The following TIMD4 variants were observed in gnomAD, a reference collection of about 807,000 sequenced individuals.
The protein encoded by TIMD4 is T-cell immunoglobulin and mucin domain-containing protein 4.
A neutral mutation model predicts 41.2 loss-of-function variants in TIMD4; 31 were observed. The ratio of observed to expected loss-of-function variants is 0.75; its 90% confidence interval spans 0.57 to 1.01. The LOEUF (loss-of-function observed/expected upper bound fraction) is 1.01. Ranked by LOEUF, TIMD4 falls within the 50% of genes least tolerant of loss-of-function variation. TIMD4 has a pLI of 0.00. For missense variants in TIMD4, 479 were observed against 472.5 expected, an observed-to-expected ratio of 1.01 and a Z score of -0.13; for synonymous variants, 204 against 177.1, an observed-to-expected ratio of 1.15 and a Z score of -1.21.
chr5:156,928,036 T>G (rs1759379758), intron 5 of TIMD4, among the ~76,000 whole-genome samples: 1 of 152,124 alleles, frequency 6.6e-6, no homozygotes, highest in Non-Finnish European at 1.5e-5. Flanking sequence ...CCGGGCACAG[T>G]GGCTCATGCC....
chr5:156,933,153 T>A (rs1450402689), intron 5 of TIMD4, among the ~76,000 whole-genome samples: 1 of 152,204 alleles, frequency 6.6e-6, no homozygotes, highest in Non-Finnish European at 1.5e-5. Flanking sequence ...TTTAAAAGAA[T>A]ATAGAATGAT....
At chr5:156,960,107 CA>C in intron 1 of TIMD4, among the ~76,000 whole-genome samples, 1 of 145,640 alleles carries the variant, frequency 6.9e-6, no homozygotes, top group South Asian at 2.3e-4. Context: ...AAAAAAAAAA[CA>C]AAATAAAACA....
intron 1 of TIMD4, among the ~76,000 whole-genome samples, chr5:156,960,968 C>T (rs2113401930): frequency 6.6e-6 from 1 of 152,306 alleles, no homozygotes; most frequent in Non-Finnish European, 1.5e-5. Context: ...AAGTAGGGAC[C>T]TGAGGATGCA....
chr5:156,928,762 T>C (rs939078952), intron 5 of TIMD4, among the ~76,000 whole-genome samples: 1 of 152,216 alleles, frequency 6.6e-6, no homozygotes, highest in Non-Finnish European at 1.5e-5. Context: ...TGTTTTCATA[T>C]CCTAGAACTA....
intron 7 of TIMD4, 99 bp downstream of exon 7, chr5:156,922,000 T>C: frequency 2.3e-6 from 2 of 882,234 alleles, no homozygotes; most frequent in Non-Finnish European, 3.5e-6. Flanking sequence ...CTGAGCCTCT[T>C]TGGGGAGGGA....
chr5:156,961,823 AAAAAAAAAAAAAAGAAAG>A (rs1753061149), intron 1 of TIMD4, among the ~76,000 whole-genome samples: 1 of 144,654 alleles, frequency 6.9e-6, no homozygotes, highest in Non-Finnish European at 1.5e-5. Flanking sequence ...AAAAAAAAAA[AAAAAAAAAAAAAAGAAAG>A]AAAAAAAAAA....
rs1301895310 is a variant in TIMD4, at chr5:156,954,689, G to A, written c.126C>T (p.Tyr42=). The A allele has an allele frequency of 1.2e-6, 2 of 1,614,052 alleles. No homozygotes were observed. The highest frequency in any genetic ancestry group is 1.7e-5 in the Admixed American group (1 of 59,992). Residue 42 remains tyrosine (Y), a synonymous_variant, in exon 2 of 9, where the codon TAC becomes TAT. Coordinates refer to ENST00000274532, the MANE Select transcript of TIMD4 (RefSeq NM_138379.3). Reference sequence around the variant, plus strand: ...TGTTGCTGTTGTGAGACCAGGATGAGTACAGACAGGGCAAAGTCACCCGGT... The same window carrying A: ...TGTTGCTGTTGTGAGACCAGGATGAATACAGACAGGGCAAAGTCACCCGGT... The part of the protein sequence containing the change: ...LGHRVTLPCL[Y]SSWSHNSNSM...
At chr5:156,960,416 T>C (rs1760057815) in intron 1 of TIMD4, among the ~76,000 whole-genome samples, 1 of 150,004 alleles carries the variant, frequency 6.7e-6, no homozygotes, top group African/African-American at 2.4e-5. Flanking sequence ...TTTTTTTTTT[T>C]TTTTTTTTCA....
chr5:156,961,808 CAAAAAAAAAA>C (rs71578911), intron 1 of TIMD4, among the ~76,000 whole-genome samples: 7 of 27,962 alleles, frequency 2.5e-4, no homozygotes, highest in South Asian at 3.3e-3. Context: ...GACTCCGTCT[CAAAAAAAAAA>C]AAAAAAAAAA....
At chr5:156,933,582 G>GT (rs1554082810) in intron 5 of TIMD4, among the ~76,000 whole-genome samples, 1 of 135,876 alleles carries the variant, frequency 7.4e-6, no homozygotes, top group African/African-American at 2.6e-5. Flanking sequence ...GTTTTGTTTT[G>GT]TTTGAGACAG....
At chr5:156,951,901 G>T in intron 2 of TIMD4, 111 bp from the exon 3 acceptor site, 1 of 1,431,790 alleles carries the variant, frequency 7.0e-7, no homozygotes. Context: ...TGGTCCACTG[G>T]CCTGGACGAT....
Position 156,948,561 on chromosome 5 carries a change from G to T in TIMD4, c.761-62C>A, listed in dbSNP as rs933461982. On this transcript the variant is annotated intron_variant, in intron 4 of 8. Transcript: ENST00000274532. ...GGTAAATGCTTGTCTTCCTGCTTTTGGTACTCAACTGTCCCTATACTGACT... is the reference window on the plus strand; with the variant it reads ...GGTAAATGCTTGTCTTCCTGCTTTTTGTACTCAACTGTCCCTATACTGACT... The T allele has an allele frequency of 1.4e-5, 16 of 1,177,440 alleles. No individual in the cohort carries two copies. In the African/African-American group the frequency reaches 2.3e-4, roughly 17 times the overall value. The allele number at this position is 1,177,440 out of a possible 1,614,324, so 72.9% of individuals were successfully genotyped here.
intron 6 of TIMD4, among the ~76,000 whole-genome samples, chr5:156,922,904 TAG>T (rs1184880958): frequency 3.9e-5 from 6 of 152,220 alleles, no homozygotes; most frequent in Non-Finnish European, 5.9e-5. Flanking sequence ...TTTTTCAAAA[TAG>T]AGTTAGTTAG....
chr5:156,951,851 C>A, intron 2 of TIMD4, 61 bp from the exon 3 acceptor site: 1 of 1,598,472 alleles, frequency 6.3e-7, no homozygotes. Flanking sequence ...GAAAATAATG[C>A]AAGTATATCT....
At chr5:156,924,522 C>T (rs1053551204) in intron 6 of TIMD4, 4 of 423,806 alleles carry the variant, frequency 9.4e-6, no homozygotes, top group Non-Finnish European at 1.9e-5. Flanking sequence ...AATAAAGAAG[C>T]AGGCATTTCT....
intron 5 of TIMD4, among the ~76,000 whole-genome samples, chr5:156,939,717 A>C (rs1759604915): frequency 6.6e-6 from 1 of 152,190 alleles, no homozygotes; most frequent in South Asian, 2.1e-4. Flanking sequence ...GCCGTCCTTC[A>C]TTCTCCATTT....
At chr5:156,946,093 A>T (rs1259304345) in intron 5 of TIMD4, among the ~76,000 whole-genome samples, 1 of 152,244 alleles carries the variant, frequency 6.6e-6, no homozygotes, top group East Asian at 1.9e-4. Flanking sequence ...AAGCTTATGG[A>T]AGGTAAACAT....
At chr5:156,961,781 C>A (rs1358657240) in intron 1 of TIMD4, among the ~76,000 whole-genome samples, 1 of 108,846 alleles carries the variant, frequency 9.2e-6, no homozygotes, top group Admixed American at 1.4e-4. Flanking sequence ...TGCAGTCCGG[C>A]CTAGGCAAAA....
At chr5:156,931,697 TG>T (rs1263074299) in intron 5 of TIMD4, among the ~76,000 whole-genome samples, 5 of 152,338 alleles carry the variant, frequency 3.3e-5, no homozygotes, top group Admixed American at 3.3e-4. Context: ...ATGGGCACTC[TG>T]GTAAAATGAA....
Sources: allele counts gnomAD v4.1 joint callset (sites outside exome capture counted in the v4.1 genomes callset), GRCh38; gene constraint gnomAD v4.1.1; transcripts MANE v1.5; gene names NCBI Gene and HGNC (gene_info 2026-07-23, HGNC 2026-07-21).